The following SRP19 variants were observed in gnomAD, a reference collection of about 807,000 sequenced individuals.
SRP19 encodes signal recognition particle 19 kDa protein.
Under a neutral mutation model 22.4 loss-of-function variants are expected in SRP19, and 11 were observed. That is an observed-to-expected ratio of 0.49 (90% CI 0.31 to 0.81). The LOEUF (loss-of-function observed/expected upper bound fraction) is 0.81. Among genes scored for constraint, SRP19 ranks in the 40% least tolerant of loss-of-function variants. The probability of loss-of-function intolerance (pLI) is 0.05; values close to 1 mark genes in which losing one functional copy is unlikely to be tolerated. For synonymous variants in SRP19, 61 were observed against 57.6 expected (o/e 1.06, Z -0.27); for missense variants, 168 against 175.9 (o/e 0.96, Z 0.25).
chr5:112,878,852 AG>A, intron 4 of SRP19: 1 of 1,613,846 alleles, frequency 6.2e-7, no homozygotes, highest in Non-Finnish European at 8.5e-7. Flanking sequence ...GTTTGTTAGG[AG>A]GGAAAGAAAA....
rs1767700131 is a variant in SRP19 at position 112,869,160 on chromosome 5, G to C, written c.*1623G>C. On this transcript the variant is annotated 3_prime_UTR_variant, in exon 5 of 5. Coordinates refer to ENST00000505459, the MANE Select transcript of SRP19 (RefSeq NM_003135.3). Reference sequence around the variant, plus strand: ...TAAATCCAAGTGAGGTTGCTGTGGTGGTTGGTTTAGCTCTCAGTGATGCCT... The same window carrying C: ...TAAATCCAAGTGAGGTTGCTGTGGTCGTTGGTTTAGCTCTCAGTGATGCCT... 6.6e-6 allele frequency: 1 copy of C among 152,194 alleles called. No homozygotes were observed. The highest frequency in any genetic ancestry group is 1.5e-5 in the Non-Finnish European group (1 of 68,036). The allele number at this position is 152,194 out of a possible 1,614,324, so 9.4% of individuals were successfully genotyped here.
At chr5:112,878,841 T>C (rs1767976760) in intron 4 of SRP19, 1 of 1,613,958 alleles carries the variant, frequency 6.2e-7, no homozygotes, top group African/African-American at 1.3e-5. Flanking sequence ...CTTCGCTGTT[T>C]GTTTGTTAGG....
chr5:112,884,376 T>C (rs1477377453), intron 4 of SRP19, among the ~76,000 whole-genome samples: 5 of 151,816 alleles, frequency 3.3e-5, no homozygotes, highest in Non-Finnish European at 5.9e-5. Context: ...TTCCTTCTTT[T>C]ACCATTTTCT....
intron 4 of SRP19, among the ~76,000 whole-genome samples, chr5:112,876,033 C>CA (rs34238552): frequency 0.52 from 74,439 of 143,272 alleles, 19,817 homozygotes; most frequent in East Asian, 0.81. Context: ...GACTCCATCT[C>CA]AAAAAAAAAA....
chr5:112,871,730 G>C (rs1020233607), downstream of SRP19, among the ~76,000 whole-genome samples: 1 of 152,086 alleles, frequency 6.6e-6, no homozygotes, highest in Non-Finnish European at 1.5e-5. Context: ...CTGCACTCCA[G>C]CCTGGGTGAC....
chr5:112,887,513 A>G (rs983070402), intron 4 of SRP19, among the ~76,000 whole-genome samples: 3 of 152,216 alleles, frequency 2.0e-5, no homozygotes, highest in Non-Finnish European at 2.9e-5. Flanking sequence ...AATCAATTTA[A>G]GAAAATATAG....
chr5:112,888,346 T>C (rs1768325121), intron 4 of SRP19, among the ~76,000 whole-genome samples: 1 of 152,230 alleles, frequency 6.6e-6, no homozygotes, highest in African/African-American at 2.4e-5. Context: ...CAGCACCATG[T>C]TGGCTCTGAG....
At chr5:112,876,327 T>C (rs1447624721) in intron 4 of SRP19, 1 of 152,228 alleles carries the variant, frequency 6.6e-6, no homozygotes, top group East Asian at 1.9e-4. Context: ...CTTAAAACTT[T>C]CCTTAAATAA....
At chr5:112,882,677 T>TGGCTGTTTTCACACTACAA (rs1768117270) in intron 4 of SRP19, among the ~76,000 whole-genome samples, 3 of 152,232 alleles carry the variant, frequency 2.0e-5, no homozygotes, top group Non-Finnish European at 4.4e-5. Flanking sequence ...GTAGTGTCCA[T>TGGCTGTTTTCACACTACAA]GGCTGTTTTC....
chr5:112,875,607 A>G (rs937003220), intron 4 of SRP19, among the ~76,000 whole-genome samples: 3 of 152,040 alleles, frequency 2.0e-5, no homozygotes, highest in Admixed American at 6.6e-5. Flanking sequence ...CACTCAAGCA[A>G]TCCGCCCACC....
downstream of SRP19, among the ~76,000 whole-genome samples, chr5:112,874,711 G>A (rs915201849): frequency 1.3e-5 from 2 of 151,848 alleles, no homozygotes; most frequent in Non-Finnish European, 2.9e-5. Flanking sequence ...AATCTGAGAG[G>A]ACAGTAATCT....
At chr5:112,891,304 C>T (rs538187347) in intron 4 of SRP19, among the ~76,000 whole-genome samples, 34 of 152,186 alleles carry the variant, frequency 2.2e-4, no homozygotes, top group African/African-American at 7.7e-4. Flanking sequence ...AACTCCTGGC[C>T]TCAGGTGATC....
At chr5:112,886,444 C>A (rs1350966785) in intron 4 of SRP19, among the ~76,000 whole-genome samples, 1 of 152,164 alleles carries the variant, frequency 6.6e-6, no homozygotes, top group South Asian at 2.1e-4. Context: ...TTTCTCCTCC[C>A]GCTTTTTGGC....
intron 4 of SRP19, chr5:112,876,979 G>C (rs1005848868): frequency 6.6e-6 from 1 of 151,780 alleles, no homozygotes; most frequent in African/African-American, 2.4e-5. Context: ...CTATATGCTA[G>C]AAGTTGCTGA....
At chr5:112,876,033 C>A (rs1315610961) in intron 4 of SRP19, among the ~76,000 whole-genome samples, 15 of 143,532 alleles carry the variant, frequency 1.0e-4, no homozygotes, top group Admixed American at 1.4e-4. Context: ...GACTCCATCT[C>A]AAAAAAAAAA....
chr5:112,862,269 G>A (rs962546605), intron 1 of SRP19: 2 of 566,212 alleles, frequency 3.5e-6, no homozygotes, highest in Non-Finnish European at 3.1e-6. Flanking sequence ...GATTGGTTGA[G>A]GGAGGGGGAT....
At chr5:112,879,082 G>T (rs919721392) in intron 4 of SRP19, among the ~76,000 whole-genome samples, 2 of 152,054 alleles carry the variant, frequency 1.3e-5, no homozygotes, top group South Asian at 4.2e-4. Flanking sequence ...CTAGCCCCTT[G>T]TTGTGACAGT....
intron 4 of SRP19, among the ~76,000 whole-genome samples, chr5:112,882,635 G>A (rs925709072): frequency 2.0e-5 from 3 of 152,184 alleles, no homozygotes; most frequent in Non-Finnish European, 2.9e-5. Flanking sequence ...CTGTCCTAGA[G>A]GGGCCAGCAC....
In SRP19 at chr5:112,868,884, G is replaced by A. The variant is rs1425725030; in HGVS notation, c.*1347G>A. 6.6e-6 allele frequency: 1 copy of A among 151,914 alleles called. No individual in the cohort carries two copies. Among genetic ancestry groups the A allele is most frequent in the Non-Finnish European group, 1.5e-5 (1 of 68,008 alleles). The allele number at this position is 151,914 out of a possible 1,614,324, so 9.4% of individuals were successfully genotyped here. On this transcript the variant is annotated 3_prime_UTR_variant, in exon 5 of 5. Coordinates refer to ENST00000505459, the MANE Select transcript of SRP19 (RefSeq NM_003135.3). Reference sequence around the variant, plus strand: ...CTGGGATTACAGGCATGAGCTAGCTGGCCTGTTGACTTTTTTTTTTTAACT... The same window carrying A: ...CTGGGATTACAGGCATGAGCTAGCTAGCCTGTTGACTTTTTTTTTTTAACT...
Sources: allele counts gnomAD v4.1 joint callset (sites outside exome capture counted in the v4.1 genomes callset), GRCh38; gene constraint gnomAD v4.1.1; transcripts MANE v1.5; gene names NCBI Gene and HGNC (gene_info 2026-07-23, HGNC 2026-07-21).